The following POLD1 variants were observed in gnomAD, a reference collection of about 807,000 sequenced individuals.
The protein encoded by POLD1 is DNA polymerase delta 1, catalytic subunit, also known as DNA polymerase delta catalytic subunit.
POLD1 carries 79 observed loss-of-function variants against 129.7 expected under a neutral mutation model. The ratio of observed to expected loss-of-function variants is 0.61; its 90% CI spans 0.51 to 0.73. POLD1 has a LOEUF of 0.73. Among genes scored for constraint, POLD1 ranks in the 30% least tolerant of loss-of-function variants. POLD1 has a pLI of 0.00. For synonymous variants in POLD1, 714 were observed against 683.3 expected, an observed-to-expected ratio of 1.04 and a Z score of -0.70; for missense variants, 1,338 against 1,595.8, an observed-to-expected ratio of 0.84 and a Z score of 2.75.
At chr19:50,390,645 A>C in intron 1 of POLD1, among the ~76,000 whole-genome samples, 1 of 151,162 alleles carries the variant, frequency 6.6e-6, no homozygotes, top group East Asian at 1.9e-4. Flanking sequence ...GCAGGGTCAT[A>C]GGACAATAGT....
chr19:50,408,904 A>AT lies in POLD1; in HGVS notation c.1892+4dup. On this transcript the variant is annotated splice_donor_region_variant and intron_variant, in intron 15 of 26. Transcript: ENST00000440232. ...CCCGGGACTGCACAGAAACTGGGGT[A>AT]TAGTGCCCAATTCAGCATGTGTCCC... 2 of 1,607,478 alleles carry AT rather than the reference A, an allele frequency of 1.2e-6. No homozygotes were observed. The highest frequency in any genetic ancestry group is 1.7e-6 in the Non-Finnish European group (2 of 1,176,498).
intron 14 of POLD1, 128 bp downstream of exon 14, chr19:50,407,543 T>A: frequency 2.4e-6 from 1 of 423,404 alleles, no homozygotes; most frequent in East Asian, 3.6e-5. Context: ...CACAAAATTT[T>A]TTTATTTTTA....
rs1291315726 is a variant in POLD1 at position 50,401,797 on chromosome 19, TG to T, written c.342del (p.Pro116HisfsTer53). On this transcript the variant is annotated frameshift_variant, in exon 4 of 27. Coordinates refer to ENST00000440232, the MANE Select transcript of POLD1 (RefSeq NM_002691.4). LOFTEE classifies it high-confidence loss of function. ...CCACAGGCCCAGCGCAGCCTGTGCC[TG>T]GGGGGCCCCCACCATCCCGCGGCTC... is the stretch of plus-strand genomic sequence containing the variant. Reference protein sequence around the residue: ...HYVGPAQPVPGGPPPSRGSVP... With the variant: ...HYVGPAQPVPXGPPPSRGSVP... 6.2e-7 allele frequency: 1 copy of T among 1,612,850 alleles called. No individual in the cohort carries two copies.
At chr19:50,417,482 G>A (rs1389295743) in intron 26 of POLD1, among the ~76,000 whole-genome samples, 5 of 152,160 alleles carry the variant, frequency 3.3e-5, no homozygotes, top group South Asian at 4.1e-4. Flanking sequence ...GGGAGGCAGC[G>A]CCCGGCACCC....
chr19:50,391,170 C>T (rs926908300), intron 1 of POLD1, among the ~76,000 whole-genome samples: 14 of 151,474 alleles, frequency 9.2e-5, no homozygotes, highest in African/African-American at 3.2e-4. Flanking sequence ...CCCCACATCT[C>T]AGACGATGAG....
At chr19:50,389,361 A>G (rs954991652) in intron 1 of POLD1, among the ~76,000 whole-genome samples, 8 of 151,820 alleles carry the variant, frequency 5.3e-5, no homozygotes, top group Middle Eastern at 6.8e-3. Flanking sequence ...GGTTCAAGCA[A>G]TCCCCCTGCC....
rs371628260 is a variant in POLD1 at position 50,416,508 on chromosome 19, G to A, written c.2933G>A (p.Arg978His). The A allele has an allele frequency of 9.0e-6, 14 of 1,552,484 alleles. No homozygotes were observed. The highest frequency in any genetic ancestry group is 1.9e-5 in the Admixed American group (1 of 51,514). ...RIFEPILGEG[R>H]AEAVLLRGDH... ...TTCGAGCCCATCCTGGGCGAGGGCCGTGCCGAGGCTGTGCTACTGCGTACG... is the reference window on the plus strand; with the variant it reads ...TTCGAGCCCATCCTGGGCGAGGGCCATGCCGAGGCTGTGCTACTGCGTACG... The change falls in exon 23 of 27, where the codon CGT (arginine) becomes CAT (histidine). Residue 978 changes from arginine to histidine, a missense_variant. Physicochemically the swap from Arg to His is conservative, Grantham distance 29 (BLOSUM62 0). Around this residue, in one of 3 missense-constraint regions of POLD1, gnomAD observed 286 missense variants for 277.5 expected, o/e 1.03. Coordinates refer to ENST00000440232, the MANE Select transcript of POLD1 (RefSeq NM_002691.4).
intron 1 of POLD1, among the ~76,000 whole-genome samples, chr19:50,391,593 A>C (rs2038172633): frequency 6.7e-6 from 1 of 149,662 alleles, no homozygotes; most frequent in African/African-American, 2.4e-5. Flanking sequence ...GGCACTCAGC[A>C]GGCTGAGGCA....
chr19:50,395,193 A>G (rs1384654525), intron 1 of POLD1: 1 of 147,594 alleles, frequency 6.8e-6, no homozygotes, highest in African/African-American at 2.6e-5. Flanking sequence ...TCAAATTAAC[A>G]GGAAGGTTGA....
At chr19:50,416,892 C>T (rs906439474) in intron 24 of POLD1, 153 bp from the exon 25 acceptor site, 63 of 1,028,188 alleles carry the variant, frequency 6.1e-5, no homozygotes, top group Admixed American at 1.4e-4. Flanking sequence ...GCCCCCACCC[C>T]GGGAGTTCCC....
At chr19:50,391,482 G>A (rs900409048) in intron 1 of POLD1, among the ~76,000 whole-genome samples, 9 of 151,520 alleles carry the variant, frequency 5.9e-5, no homozygotes, top group African/African-American at 2.2e-4. Context: ...GATCACTCGC[G>A]GTCAGGAGCT....
Position 50,402,262 on chromosome 19 carries a change from T to TGTCGCGCCTCGTGGCCCC in POLD1, c.648_649insTCGCGCCTCGTGGCCCCG (p.Leu216_Pro217insSerArgLeuValAlaPro). The TGTCGCGCCTCGTGGCCCC allele has an allele frequency of 6.2e-7, 1 of 1,603,040 alleles. No homozygotes were observed. Among genetic ancestry groups the TGTCGCGCCTCGTGGCCCC allele is most frequent in the Non-Finnish European group, 8.5e-7 (1 of 1,173,806 alleles). On this transcript the variant is annotated inframe_insertion, in exon 6 of 27. Coordinates refer to ENST00000440232, the MANE Select transcript of POLD1 (RefSeq NM_002691.4). ...CCGTTCCTGCGCATCACCGTGGCGC[T>TGTCGCGCCTCGTGGCCCC]GCCGCGCCTCGTGGCCCCGGCCCGC... is the stretch of plus-strand genomic sequence containing the variant.
Position 50,415,345 on chromosome 19 carries a change from A to G in POLD1, c.2565-93A>G, listed in dbSNP as rs1332912056. 13 of 1,293,458 alleles carry G rather than the reference A, an allele frequency of 1.0e-5. No individual in the cohort carries two copies. In the East Asian group the frequency reaches 2.8e-4, roughly 28 times the overall value. The allele number at this position is 1,293,458 out of a possible 1,614,324, so 80.1% of individuals were successfully genotyped here. A position where few individuals can be genotyped will look rare whatever the true frequency, so the allele number is the denominator to read the frequency against. On this transcript the variant is annotated intron_variant, in intron 20 of 26. Transcript: ENST00000440232. ...CTCTGCCCTGAGCCTCAGCCCTAAG[A>G]GCTCATCCTGGTCTCCAGCCCTGAG...
chr19:50,391,015 C>T (rs539473822), intron 1 of POLD1, among the ~76,000 whole-genome samples: 2 of 152,170 alleles, frequency 1.3e-5, no homozygotes, highest in South Asian at 4.1e-4. Flanking sequence ...CTTTCCTTTC[C>T]CATTTCCCCC....
chr19:50,410,126 C>T (rs1426333255), intron 17 of POLD1, among the ~76,000 whole-genome samples: 5 of 152,196 alleles, frequency 3.3e-5, no homozygotes, highest in African/African-American at 1.2e-4. Flanking sequence ...AGCCATTCAC[C>T]GTCCCCACGG....
In POLD1 at chr19:50,415,742, C is replaced by T. The variant is rs372269344; in HGVS notation, c.2736C>T (p.Pro912=). 6.4e-6 allele frequency: 10 copies of T among 1,560,720 alleles called. No individual in the cohort carries two copies. In the Middle Eastern group the frequency reaches 9.1e-4, roughly 142 times the overall value. Residue 912 remains proline (P), a synonymous_variant, in exon 22 of 27, where the codon CCC becomes CCT. Coordinates refer to ENST00000440232, the MANE Select transcript of POLD1 (RefSeq NM_002691.4). The part of the protein sequence containing the change: ...ELAERMRKRD[P]GSAPSLGDRV... ...CACGCAGGATGAGGAAGCGGGACCC[C>T]GGGAGTGCGCCCAGCCTGGGCGACC...
At position 50,415,779 on chromosome 19, in the gene POLD1, G is replaced by T. The variant is rs746950229; in HGVS notation, c.2773G>T (p.Val925Leu). The change falls in exon 22 of 27, where the codon GTG (valine) becomes TTG (leucine). Residue 925 changes from valine to leucine, a missense_variant. Coordinates refer to ENST00000440232, the MANE Select transcript of POLD1 (RefSeq NM_002691.4). ...CAGCCTGGGCGACCGCGTCCCCTACGTGATCATCAGTGCCGCCAAGGGTGT... is the reference window on the plus strand; with the variant it reads ...CAGCCTGGGCGACCGCGTCCCCTACTTGATCATCAGTGCCGCCAAGGGTGT... ...APSLGDRVPY[V>L]IISAAKGVAA... The T allele has an allele frequency of 1.3e-6, 2 of 1,566,570 alleles. No individual in the cohort carries two copies. Among genetic ancestry groups the T allele is most frequent in the Non-Finnish European group, 1.7e-6 (2 of 1,158,308 alleles).
intron 14 of POLD1, among the ~76,000 whole-genome samples, 182 bp downstream of exon 14, chr19:50,407,597 C>T (rs1044823064): frequency 1.3e-5 from 2 of 151,488 alleles, no homozygotes; most frequent in Admixed American, 1.3e-4. Context: ...CTCGCTCTGT[C>T]ACCCAGGCTG....
intron 14 of POLD1, 88 bp from the exon 15 acceptor site, chr19:50,408,697 T>G (rs776237676): frequency 1.3e-6 from 2 of 1,547,210 alleles, no homozygotes; most frequent in African/African-American, 1.4e-5. Flanking sequence ...ATGATTTTTT[T>G]TTTTTAAAGG....
Sources: allele counts gnomAD v4.1 joint callset (sites outside exome capture counted in the v4.1 genomes callset), GRCh38; gene constraint gnomAD v4.1.1; regional missense constraint gnomAD v4.1.1; transcripts MANE v1.5; gene names NCBI Gene and HGNC (gene_info 2026-07-23, HGNC 2026-07-21).